Variants in KIRREL3 observed in about 807,000 individuals in gnomAD.
The protein encoded by KIRREL3 is kin of IRRE-like protein 3.
Under a neutral mutation model 89.7 loss-of-function variants are expected in KIRREL3, and 36 were observed. The observed-to-expected ratio is 0.40, with a 90% confidence interval of 0.31 to 0.53. The LOEUF (loss-of-function observed/expected upper bound fraction) is 0.53. Ranked by LOEUF, KIRREL3 falls within the 20% of genes least tolerant of loss-of-function variation. The probability of loss-of-function intolerance (pLI) is 0.49; values close to 1 mark genes in which losing one functional copy is unlikely to be tolerated. For missense variants in KIRREL3, 864 were observed against 1,056.6 expected, an observed-to-expected ratio of 0.82 and a Z score of 2.53; for synonymous variants, 445 against 441.4, an observed-to-expected ratio of 1.01 and a Z score of -0.10.
rs1030630482 is a variant in KIRREL3, at chr11:126,912,505, G to C, written c.55+87950C>G. Reference sequence around the variant, plus strand: ...ACCCCTCACAGTAGGCATCAACCAAGAACATATCACACTCACCTACAAAAC... The same window carrying C: ...ACCCCTCACAGTAGGCATCAACCAACAACATATCACACTCACCTACAAAAC... On this transcript the variant is annotated intron_variant, in intron 1 of 16. Transcript: ENST00000525144. The surrounding 1 kb of genome is among the most constrained non-coding windows in gnomAD (Gnocchi z 4.7). 6.6e-6 allele frequency among the ~76,000 whole-genome samples: 1 copy of C among 152,176 alleles called. No individual in the cohort carries two copies. The highest frequency in any genetic ancestry group is 3.2e-3 in the Middle Eastern group (1 of 316).
At position 126,430,840 on chromosome 11, in the gene KIRREL3, TC is replaced by T; in HGVS notation, c.1696+578del. 1 of 358,216 alleles carries T rather than the reference TC, an allele frequency of 2.8e-6. No individual in the cohort carries two copies. Among genetic ancestry groups the T allele is most frequent in the Non-Finnish European group, 3.9e-6 (1 of 254,502 alleles). The allele number at this position is 358,216 out of a possible 1,614,324, so 22.2% of individuals were successfully genotyped here. On this transcript the variant is annotated intron_variant, in intron 14 of 16. Transcript: ENST00000525144. The surrounding 1 kb of genome is among the most constrained non-coding windows in gnomAD (Gnocchi z 6.6). ...CTGTGTCTCCATTGTCTTCACCTGTTCTCTGCCATCCAATCTCTCACACGTT... is the reference window on the plus strand; with the variant it reads ...CTGTGTCTCCATTGTCTTCACCTGTTTCTGCCATCCAATCTCTCACACGTT...
chr11:126,456,445 A>C lies in KIRREL3; in HGVS notation c.752T>G (p.Leu251Arg). Residue 251 changes from leucine to arginine, a missense_variant, in exon 7 of 17, where the codon CTG (leucine) becomes CGG (arginine). Physicochemically the swap from Leu to Arg is moderately radical, Grantham distance 102. Coordinates refer to ENST00000525144, the MANE Select transcript of KIRREL3 (RefSeq NM_032531.4). ...CTGTGGCTCCACCGAGAGGTTGACC[A>C]GTGGAGGGTCTGCAGGGAGAGGAGA... ...SVTIDIQHPP[L>R]VNLSVEPQPV... The C allele has an allele frequency of 6.3e-7, 1 of 1,578,480 alleles. No homozygotes were observed. The highest frequency in any genetic ancestry group is 8.6e-7 in the Non-Finnish European group (1 of 1,162,256).
At chr11:126,542,946 C>T (rs956433773) in intron 2 of KIRREL3, among the ~76,000 whole-genome samples, 4 of 152,266 alleles carry the variant, frequency 2.6e-5, no homozygotes, top group Non-Finnish European at 4.4e-5. Context: ...CAACTAACTC[C>T]GATACAAAGC....
Position 126,564,337 on chromosome 11 carries a change from T to A in KIRREL3, c.56-1425A>T, listed in dbSNP as rs892835881. The stretch of plus-strand genomic sequence containing the variant: ...CCAAGCATAGCAGGATGAAAGAGAG[T>A]GCAGGGCCCATGAGACACAGATAAG... On this transcript the variant is annotated intron_variant, in intron 1 of 16. Coordinates refer to ENST00000525144, the MANE Select transcript of KIRREL3 (RefSeq NM_032531.4). This position sits in a 1 kb window ranked among gnomAD's most constrained non-coding sequence, Gnocchi z 7.4. 6.6e-6 allele frequency among the ~76,000 whole-genome samples: 1 copy of A among 151,956 alleles called. No homozygotes were observed. Among genetic ancestry groups the A allele is most frequent in the Non-Finnish European group, 1.5e-5 (1 of 68,006 alleles).
At chr11:126,998,914 GGAGTGTGT>G (rs1565489770) in intron 1 of KIRREL3, among the ~76,000 whole-genome samples, 1 of 125,252 alleles carries the variant, frequency 8.0e-6, no homozygotes, top group Non-Finnish European at 1.7e-5. Context: ...AAGACGAATG[GGAGTGTGT>G]GTGTGTGTGT....
chr11:126,499,263 G>A (rs7933568), intron 4 of KIRREL3, among the ~76,000 whole-genome samples: 56,315 of 151,810 alleles, frequency 0.37, 10,588 homozygotes, highest in Middle Eastern at 0.4. Context: ...CCTGGCTAAC[G>A]AAAATCCATT....
At chr11:126,585,292 G>A (rs1232621801) in intron 1 of KIRREL3, among the ~76,000 whole-genome samples, 1 of 135,714 alleles carries the variant, frequency 7.4e-6, no homozygotes, top group Non-Finnish European at 1.5e-5. Context: ...ATGGTGCAAT[G>A]GCGAGATCTC....
Position 126,446,870 on chromosome 11 carries a change from G to A in KIRREL3, c.1014C>T (p.Thr338=), listed in dbSNP as rs1396795587. 1 of 1,605,036 alleles carries A rather than the reference G, an allele frequency of 6.2e-7. No homozygotes were observed. Among genetic ancestry groups the A allele is most frequent in the Non-Finnish European group, 8.5e-7 (1 of 1,175,880 alleles). ...TVDVYFGPRM[T]TEPQSLLVDL... ...CCACGAGCAAGGATTGGGGTTCTGT[G>A]GTCATCCGGGGCCCAACTGCGATGT... The change falls in exon 9 of 17, where the codon ACC becomes ACT. Residue 338 remains threonine, a synonymous_variant. Coordinates refer to ENST00000525144, the MANE Select transcript of KIRREL3 (RefSeq NM_032531.4).
In KIRREL3 at chr11:126,451,376, GCGTGTGCATGTGTGAA is replaced by G. The variant is rs373077955; in HGVS notation, c.849-2235_849-2220del. ...CGTATGTGAGTGTGACTATGTGTGA[GCGTGTGCATGTGTGAA>G]CGTGTGCATGTGTGCATGTGTGTGC... On this transcript the variant is annotated intron_variant, in intron 7 of 16. Coordinates refer to ENST00000525144, the MANE Select transcript of KIRREL3 (RefSeq NM_032531.4). 3.9e-3 allele frequency among the ~76,000 whole-genome samples: 585 copies of G among 148,780 alleles called. 3 individuals are homozygous for G. Among genetic ancestry groups the G allele is most frequent in the African/African-American group, 0.011 (449 of 40,226 alleles).
intron 1 of KIRREL3, among the ~76,000 whole-genome samples, chr11:126,938,012 A>G (rs1045684515): frequency 2.0e-5 from 3 of 152,230 alleles, no homozygotes; most frequent in Non-Finnish European, 2.9e-5. Context: ...TGCTTCTGAC[A>G]TGGGTAAACT....
chr11:126,618,537 C>T (rs920368925), intron 1 of KIRREL3, among the ~76,000 whole-genome samples: 1 of 152,148 alleles, frequency 6.6e-6, no homozygotes, highest in South Asian at 2.1e-4. Flanking sequence ...TGGGTTCAAG[C>T]GATTCTCCTG....
At chr11:126,842,966 T>G (rs1944015745) in intron 1 of KIRREL3, among the ~76,000 whole-genome samples, 3 of 151,958 alleles carry the variant, frequency 2.0e-5, no homozygotes, top group Admixed American at 6.6e-5. Flanking sequence ...TTTTTCTTTC[T>G]GTAAATGCAG....
chr11:126,681,474 T>TGAGGGAGGCAGTTTATG (rs1273698330), intron 1 of KIRREL3, among the ~76,000 whole-genome samples: 8 of 152,154 alleles, frequency 5.3e-5, no homozygotes, highest in East Asian at 1.9e-4. Flanking sequence ...AGGTTGCTCA[T>TGAGGGAGGCAGTTTATG]GAGGGAGGCA....
Position 126,948,564 on chromosome 11 carries a change from C to CA in KIRREL3, c.55+51890dup, listed in dbSNP as rs965932744. On this transcript the variant is annotated intron_variant, in intron 1 of 16. Transcript: ENST00000525144. This position sits in a 1 kb window ranked among gnomAD's most constrained non-coding sequence, Gnocchi z 4.5. Reference sequence around the variant, plus strand: ...AAACTATGAGGGATTTTAGGCTTCCCAAAAAGCATAAAAAGCAGTTAAGCA... The same window carrying CA: ...AAACTATGAGGGATTTTAGGCTTCCCAAAAAAGCATAAAAAGCAGTTAAGCA... Among the ~76,000 whole-genome samples, 1 of 152,098 alleles carries CA rather than the reference C, an allele frequency of 6.6e-6. No homozygotes were observed.
rs1945861355 is a variant in KIRREL3 at position 126,890,282 on chromosome 11, A to C, written c.55+110173T>G. On this transcript the variant is annotated intron_variant, in intron 1 of 16. Transcript: ENST00000525144. The surrounding 1 kb of genome is among the most constrained non-coding windows in gnomAD (Gnocchi z 5.1). ...CTTCCGAGAGTGCCTCATACCTAAGACAGTCAGCCCTGACCAGCAACAATA... is the reference window on the plus strand; with the variant it reads ...CTTCCGAGAGTGCCTCATACCTAAGCCAGTCAGCCCTGACCAGCAACAATA... 1.3e-5 allele frequency among the ~76,000 whole-genome samples: 2 copies of C among 152,186 alleles called. No homozygotes were observed.
At chr11:126,712,794 C>G (rs142589334) in intron 1 of KIRREL3, among the ~76,000 whole-genome samples, 1 of 152,336 alleles carries the variant, frequency 6.6e-6, no homozygotes, top group African/African-American at 2.4e-5. Flanking sequence ...TTGTCATCCT[C>G]GTTCCTCCTA....
chr11:126,883,827 A>T lies in KIRREL3; in HGVS notation c.55+116628T>A, dbSNP rs1388750415. On this transcript the variant is annotated intron_variant, in intron 1 of 16. Transcript: ENST00000525144. This position sits in a 1 kb window ranked among gnomAD's most constrained non-coding sequence, Gnocchi z 4.1. ...CAATGTTAGAAAGTATGTTATATTAAAAAATGGCCATCCTATATTACCCAG... is the reference window on the plus strand; with the variant it reads ...CAATGTTAGAAAGTATGTTATATTATAAAATGGCCATCCTATATTACCCAG... 6.6e-6 allele frequency among the ~76,000 whole-genome samples: 1 copy of T among 152,164 alleles called. No homozygotes were observed. The highest frequency in any genetic ancestry group is 1.5e-5 in the Non-Finnish European group (1 of 68,042).
chr11:126,435,178 C>G (rs527593947), intron 13 of KIRREL3, 90 bp downstream of exon 13: 1 of 1,363,144 alleles, frequency 7.3e-7, no homozygotes, highest in Non-Finnish European at 1.0e-6. Flanking sequence ...CCAGCACAGG[C>G]CTCCCTACCC....
intron 1 of KIRREL3, among the ~76,000 whole-genome samples, chr11:126,938,733 C>G (rs923014456): frequency 6.6e-6 from 1 of 152,176 alleles, no homozygotes; most frequent in African/African-American, 2.4e-5. Context: ...ACACAATTTT[C>G]TTTTCACTGT....
Sources: gnomAD v4.1 joint callset for allele counts (sites outside exome capture counted in the v4.1 genomes callset) on GRCh38, gnomAD v4.1.1 for gene constraint, Gnocchi (gnomAD v3.1) non-coding constraint, MANE v1.5 for transcripts, NCBI Gene and HGNC (gene_info 2026-07-23, HGNC 2026-07-21) for gene names.